CHRND: variants seen among roughly 807,000 people sequenced by gnomAD.
CHRND encodes cholinergic receptor nicotinic delta subunit, also known as acetylcholine receptor subunit delta.
A neutral mutation model predicts 57.8 loss-of-function variants in CHRND; 40 were observed. The ratio of observed to expected loss-of-function variants is 0.69; its 90% CI spans 0.54 to 0.90. CHRND has a LOEUF of 0.90. Ranked by LOEUF, CHRND falls within the 40% of genes least tolerant of loss-of-function variation. The pLI is 0.00. For synonymous variants in CHRND, 237 were observed against 270.6 expected, an observed-to-expected ratio of 0.88 and a Z score of 1.22; for missense variants, 634 against 673.9, an observed-to-expected ratio of 0.94 and a Z score of 0.66.
rs1039138732 is a variant in CHRND at position 232,535,915 on chromosome 2, C to A, written c.*603C>A. On this transcript the variant is annotated 3_prime_UTR_variant, in exon 12 of 12. Transcript: ENST00000258385. ...ATCGACATCCACAAAGACTTGGGGT[C>A]AGCCTGAGGTTGCACACACAATCCT... The A allele has an allele frequency of 6.6e-5, 30 of 453,990 alleles. No individual in the cohort carries two copies. Among genetic ancestry groups the A allele is most frequent in the Non-Finnish European group, 1.3e-4 (30 of 226,788 alleles). 28.1% of individuals were successfully genotyped at this position (453,990 alleles called of 1,614,324 possible). A position where few individuals can be genotyped will look rare whatever the true frequency, so the allele number is the denominator to read the frequency against.
Position 232,536,213 on chromosome 2 carries a change from T to C in CHRND, c.*901T>C, listed in dbSNP as rs527955642. ...TTTGTATGGTGGTCCACCTCCAAGA[T>C]GGCCCCAGTGATGCCCAGTATTCAC... is the stretch of plus-strand genomic sequence containing the variant. On this transcript the variant is annotated 3_prime_UTR_variant, in exon 12 of 12. Coordinates refer to ENST00000258385, the MANE Select transcript of CHRND (RefSeq NM_000751.3). 9.9e-5 allele frequency: 45 copies of C among 454,150 alleles called. No individual in the cohort carries two copies. Among genetic ancestry groups the C allele is most frequent in the African/African-American group, 7.6e-4 (38 of 50,132 alleles). The allele number at this position is 454,150 out of a possible 1,614,324, so 28.1% of individuals were successfully genotyped here. A position where few individuals can be genotyped will look rare whatever the true frequency, so the allele number is the denominator to read the frequency against.
At chr2:232,529,015 C>A in intron 6 of CHRND, 44 bp downstream of exon 6, 1 of 1,370,558 alleles carries the variant, frequency 7.3e-7, no homozygotes, top group Non-Finnish European at 1.0e-6. Context: ...CCCTCAGACA[C>A]ACACAGACAC....
intron 9 of CHRND, among the ~76,000 whole-genome samples, chr2:232,533,240 G>C (rs970436463): frequency 6.6e-6 from 1 of 152,084 alleles, no homozygotes; most frequent in Non-Finnish European, 1.5e-5. Flanking sequence ...TGCTGGTCTC[G>C]AACTCCTGAC....
At chr2:232,526,313 AC>A in intron 1 of CHRND, 46 bp downstream of exon 1, 3 of 1,593,900 alleles carry the variant, frequency 1.9e-6, no homozygotes, top group Non-Finnish European at 2.6e-6. Context: ...CGTGATGCTT[AC>A]CCAGGCCCCA....
chr2:232,527,365 A>G (rs184608207), intron 2 of CHRND, 36 bp from the exon 3 acceptor site: 9 of 1,556,624 alleles, frequency 5.8e-6, no homozygotes, highest in Non-Finnish European at 7.1e-6. Flanking sequence ...AAAGAATGAT[A>G]TGGCCCTGAA....
chr2:232,528,457 G>A (rs749350891), intron 4 of CHRND, 44 bp from the exon 5 acceptor site: 22 of 1,613,750 alleles, frequency 1.4e-5, no homozygotes, highest in East Asian at 1.1e-4. Flanking sequence ...TCTGCCAGTC[G>A]TGAGTGGCCA....
rs1254446843 is a variant in CHRND at position 232,536,248 on chromosome 2, C to T, written c.*936C>T. 2.2e-6 allele frequency: 1 copy of T among 454,166 alleles called. No homozygotes were observed. Among genetic ancestry groups the T allele is most frequent in the Non-Finnish European group, 4.4e-6 (1 of 226,800 alleles). 28.1% of individuals were successfully genotyped at this position (454,166 alleles called of 1,614,324 possible). ...GATGCCCAGTATTCACACCCTTGTG[C>T]AGTCCCCTCACTCTGTACCAGGGTG... On this transcript the variant is annotated 3_prime_UTR_variant, in exon 12 of 12. Transcript: ENST00000258385.
Position 232,534,225 on chromosome 2 carries a change from C to A in CHRND, c.1254C>A (p.Arg418=). ...HGLARRLTTA[R]RPPASSEQAQ... is the part of the protein sequence containing the mutation. Reference sequence around the variant, plus strand: ...CCCACTCTGGCCCCTCGTCTGTAGGCCGGCCCCCAGCAAGCTCTGAGCAGG... The same window carrying A: ...CCCACTCTGGCCCCTCGTCTGTAGGACGGCCCCCAGCAAGCTCTGAGCAGG... Residue 418 remains arginine, a splice_region_variant and synonymous_variant, in exon 11 of 12, where the codon CGC becomes CGA. Transcript: ENST00000258385. 6.2e-7 allele frequency: 1 copy of A among 1,614,174 alleles called. No individual in the cohort carries two copies. Among genetic ancestry groups the A allele is most frequent in the South Asian group, 1.1e-5 (1 of 91,084 alleles).
chr2:232,534,709 C>T (rs1691823531), intron 11 of CHRND, among the ~76,000 whole-genome samples: 2 of 152,232 alleles, frequency 1.3e-5, no homozygotes, highest in Admixed American at 1.3e-4. Flanking sequence ...GGTTATTCAA[C>T]ATTATACAAC....
chr2:232,527,710 C>A (rs1433996697), intron 3 of CHRND, among the ~76,000 whole-genome samples: 1 of 152,200 alleles, frequency 6.6e-6, no homozygotes, highest in East Asian at 1.9e-4. Context: ...CGCCACTGCA[C>A]TCCAGCCTGG....
Position 232,526,585 on chromosome 2 carries a change from G to A in CHRND, c.109G>A (p.Gly37Ser), listed in dbSNP as rs1447570015. 6.2e-7 allele frequency: 1 copy of A among 1,613,690 alleles called. No homozygotes were observed. The highest frequency in any genetic ancestry group is 8.5e-7 in the Non-Finnish European group (1 of 1,180,026). ...GATCCGGCACCTGTTTCAAGAGAAG[G>A]GCTACAACAAGGAGCTCCGGCCCGT... is the stretch of plus-strand genomic sequence containing the variant. ...RLIRHLFQEKGYNKELRPVAH... is the reference protein window; with the variant it reads ...RLIRHLFQEKSYNKELRPVAH... The change falls in exon 2 of 12, where the codon GGC (glycine) becomes AGC (serine). Residue 37 changes from glycine to serine, a missense_variant. Coordinates refer to ENST00000258385, the MANE Select transcript of CHRND (RefSeq NM_000751.3).
chr2:232,526,418 G>C, intron 1 of CHRND, 111 bp from the exon 2 acceptor site: 3 of 1,568,346 alleles, frequency 1.9e-6, no homozygotes, highest in South Asian at 2.3e-5. Flanking sequence ...GGAGTGGTTG[G>C]GTTCCCCCCT....
At position 232,531,398 on chromosome 2, in the gene CHRND, T is replaced by C; in HGVS notation, c.867T>C (p.Ser289=). 1 of 1,613,806 alleles carries C rather than the reference T, an allele frequency of 6.2e-7. No homozygotes were observed. The highest frequency in any genetic ancestry group is 8.5e-7 in the Non-Finnish European group (1 of 1,179,968). Residue 289 remains serine (S), a synonymous_variant, in exon 8 of 12, where the codon TCT becomes TCC. Coordinates refer to ENST00000258385, the MANE Select transcript of CHRND (RefSeq NM_000751.3). ...SVAISVLLAQ[S]VFLLLISKRL... ...CCATCTCGGTGCTCCTGGCTCAGTC[T>C]GTCTTCCTGCTGCTCATCTCCAAGC... is the stretch of plus-strand genomic sequence containing the variant.
At chr2:232,529,005 C>A in intron 6 of CHRND, 34 bp downstream of exon 6, 1 of 1,493,638 alleles carries the variant, frequency 6.7e-7, no homozygotes, top group African/African-American at 1.4e-5. Context: ...GTGGGCAGGT[C>A]CCTCAGACAC....
At chr2:232,527,362 GAT>G in intron 2 of CHRND, 37 bp from the exon 3 acceptor site, 1 of 1,509,066 alleles carries the variant, frequency 6.6e-7, no homozygotes, top group Non-Finnish European at 9.2e-7. Flanking sequence ...ATAAAAGAAT[GAT>G]ATGGCCCTGA....
rs920666922 is a variant in CHRND, at chr2:232,530,194, G to A, written c.820+55G>A. 24 of 1,560,640 alleles carry A rather than the reference G, an allele frequency of 1.5e-5. No individual in the cohort carries two copies. The Admixed American group carries it at 3.8e-4, about 25-fold the overall frequency. On this transcript the variant is annotated intron_variant, in intron 7 of 11. Coordinates refer to ENST00000258385, the MANE Select transcript of CHRND (RefSeq NM_000751.3). ...CCCTCCCCAAGCCCACCTGAGCACA[G>A]CCAGCCCCAGCCCTGCCCCCTCACT...
At chr2:232,527,317 A>C in intron 2 of CHRND, 84 bp from the exon 3 acceptor site, 1 of 1,211,846 alleles carries the variant, frequency 8.3e-7, no homozygotes, top group South Asian at 1.2e-5. Flanking sequence ...AAAAAGAGAG[A>C]GAGAGAGAGA....
chr2:232,534,278 A>G lies in CHRND; in HGVS notation c.1307A>G (p.Lys436Arg), dbSNP rs1691812826. ...QAQQELFNELKPAVDGANFIV... is the reference protein window; with the variant it reads ...QAQQELFNELRPAVDGANFIV... The stretch of plus-strand genomic sequence containing the variant: ...CAGCAGGAACTCTTCAATGAGCTGA[A>G]GCCAGCTGTGGATGGGGCAAACTTC... The change falls in exon 11 of 12, where the codon AAG becomes AGG. Residue 436 changes from lysine (K) to arginine (R), a missense_variant. Lys to Arg is a conservative substitution (Grantham distance 26). Coordinates refer to ENST00000258385, the MANE Select transcript of CHRND (RefSeq NM_000751.3). 1 of 1,614,234 alleles carries G rather than the reference A, an allele frequency of 6.2e-7. No homozygotes were observed. Among genetic ancestry groups the G allele is most frequent in the Non-Finnish European group, 8.5e-7 (1 of 1,180,046 alleles).
At chr2:232,528,442 C>T (rs1045929925) in intron 4 of CHRND, 59 bp from the exon 5 acceptor site, 1 of 1,613,894 alleles carries the variant, frequency 6.2e-7, no homozygotes, top group Non-Finnish European at 8.5e-7. Flanking sequence ...TCTGCCTCCC[C>T]CAACTCTGCC....
Sources: allele counts gnomAD v4.1 joint callset (sites outside exome capture counted in the v4.1 genomes callset), GRCh38; gene constraint gnomAD v4.1.1; transcripts MANE v1.5; gene names NCBI Gene and HGNC (gene_info 2026-07-23, HGNC 2026-07-21).